The following DPF1 variants were observed in gnomAD, a reference collection of about 807,000 sequenced individuals.
DPF1 encodes zinc finger protein neuro-d4.
A neutral mutation model predicts 58.7 loss-of-function variants in DPF1; 14 were observed. That is an observed-to-expected ratio of 0.24 (90% CI 0.16 to 0.37). The LOEUF is 0.37. Ranked by LOEUF, DPF1 falls within the 10% of genes least tolerant of loss-of-function variation. DPF1 has a pLI of 1.00. For synonymous variants in DPF1, 216 were observed against 216.0 expected (o/e 1.00, Z 0.00); for missense variants, 345 against 529.9 (o/e 0.65, Z 3.43).
At position 38,219,026 on chromosome 19, in the gene DPF1, G is replaced by T. The variant is rs1487355727; in HGVS notation, c.331C>A (p.Leu111Ile). 1 of 1,614,036 alleles carries T rather than the reference G, an allele frequency of 6.2e-7. No homozygotes were observed. The highest frequency in any genetic ancestry group is 8.5e-7 in the Non-Finnish European group (1 of 1,180,036). ...GCCTCGAGGACCGGCCCTTCCGGGA[G>T]GCCACCCTCCTTCTTCAGGGGTGCT... The part of the protein sequence containing the change: ...CEAPLKKEGG[L>I]PEGPVLEALL... The change falls in exon 4 of 12, where the codon CTC becomes ATC. Residue 111 changes from leucine to isoleucine, a missense_variant. Leu to Ile is a conservative substitution (Grantham distance 5, BLOSUM62 2). Coordinates refer to ENST00000355526, the MANE Select transcript of DPF1 (RefSeq NM_001135155.3).
In DPF1 at chr19:38,218,818, A is replaced by C. The variant is rs1967229248; in HGVS notation, c.426+113T>G. On this transcript the variant is annotated intron_variant, in intron 4 of 11. Coordinates refer to ENST00000355526, the MANE Select transcript of DPF1 (RefSeq NM_001135155.3). ...TGGGAGGATGGTGACTGGGATGCCC[A>C]ACAGCCAGAAGAAACCGGGGGGGTT... 3.2e-6 allele frequency: 5 copies of C among 1,564,922 alleles called. No homozygotes were observed. In the South Asian group the frequency reaches 5.9e-5, roughly 19 times the overall value.
In DPF1 at chr19:38,222,763, C is replaced by G; in HGVS notation, c.30-55G>C. The G allele has an allele frequency of 1.4e-6, 2 of 1,476,464 alleles. No homozygotes were observed. Among genetic ancestry groups the G allele is most frequent in the Non-Finnish European group, 1.8e-6 (2 of 1,112,662 alleles). The allele number at this position is 1,476,464 out of a possible 1,614,324, so 91.5% of individuals were successfully genotyped here. On this transcript the variant is annotated intron_variant, in intron 1 of 11. Coordinates refer to ENST00000355526, the MANE Select transcript of DPF1 (RefSeq NM_001135155.3). The surrounding 1 kb of genome is among the most constrained non-coding windows in gnomAD (Gnocchi z 4.9). ...GTCAGCAAGGGCAGGCGCACAGGGT[C>G]GCCCAGCACCCCTTCCCCGGCTGCC...
At chr19:38,218,703 C>T in intron 4 of DPF1, 41 bp from the exon 5 acceptor site, 1 of 1,606,402 alleles carries the variant, frequency 6.2e-7, no homozygotes, top group Non-Finnish European at 8.5e-7. Context: ...AAAGTGGGGG[C>T]CACTGACCTG....
upstream of DPF1, chr19:38,224,358 G>A (rs1967723283): frequency 8.6e-7 from 1 of 1,164,214 alleles, no homozygotes; most frequent in Non-Finnish European, 1.1e-6. This position sits in a 1 kb window ranked among gnomAD's most constrained non-coding sequence, Gnocchi z 4.5. Context: ...GGGACGGCGC[G>A]GAGGAGGGGC....
In DPF1 at chr19:38,213,733, T is replaced by C; in HGVS notation, c.922A>G (p.Thr308Ala). ...RSGHPSCLQF[T>A]VNMTAAVRTY... ...CGCACGGCTGCCGTCATGTTCACCG[T>C]GAATTGTAAACACGAGGGGTGTCCT... The change falls in exon 10 of 12, where the codon ACG (threonine) becomes GCG (alanine). Residue 308 changes from threonine (T) to alanine (A), a missense_variant. Physicochemically the swap from Thr to Ala is moderately conservative, Grantham distance 58. Transcript: ENST00000355526. 6.2e-7 allele frequency: 1 copy of C among 1,613,550 alleles called. No homozygotes were observed. The highest frequency in any genetic ancestry group is 8.5e-7 in the Non-Finnish European group (1 of 1,179,758).
chr19:38,222,803 C>G lies in DPF1; in HGVS notation c.30-95G>C, dbSNP rs893816897. ...CCCCGGCTGCCGGGCCGCCCAGGCT[C>G]GGGAGGGGTGGGCCGACCCCTCCAG... On this transcript the variant is annotated intron_variant, in intron 1 of 11. Transcript: ENST00000355526. The surrounding 1 kb of genome is among the most constrained non-coding windows in gnomAD (Gnocchi z 4.9). 2 of 1,411,866 alleles carry G rather than the reference C, an allele frequency of 1.4e-6. No homozygotes were observed. The highest frequency in any genetic ancestry group is 1.8e-6 in the Non-Finnish European group (2 of 1,082,682). 87.5% of individuals were successfully genotyped at this position (1,411,866 alleles called of 1,614,324 possible).
In DPF1 at chr19:38,217,517, C is replaced by T. The variant is rs780913902; in HGVS notation, c.670G>A (p.Gly224Arg). Reference protein sequence around the residue: ...YTHTHLAEEEGEENAERHALP... With the variant: ...YTHTHLAEEEREENAERHALP... ...GCGTGGCGTTCGGCGTTCTCCTCCCCCTCCTCCTCGGCCAGGTGGGTGTGG... is the reference window on the plus strand; with the variant it reads ...GCGTGGCGTTCGGCGTTCTCCTCCCTCTCCTCCTCGGCCAGGTGGGTGTGG... Residue 224 changes from glycine (G) to arginine (R), a missense_variant, in exon 7 of 12, where the codon GGG (glycine) becomes AGG (arginine). By Grantham distance (125) the Gly-to-Arg change is moderately radical (BLOSUM62 -2). Coordinates refer to ENST00000355526, the MANE Select transcript of DPF1 (RefSeq NM_001135155.3). The T allele has an allele frequency of 1.3e-6, 2 of 1,551,584 alleles. No homozygotes were observed. The highest frequency in any genetic ancestry group is 8.7e-7 in the Non-Finnish European group (1 of 1,146,970).
Position 38,217,513 on chromosome 19 carries a change from T to A in DPF1, c.674A>T (p.Glu225Val), listed in dbSNP as rs1008890988. The A allele has an allele frequency of 6.4e-7, 1 of 1,550,688 alleles. No individual in the cohort carries two copies. The highest frequency in any genetic ancestry group is 8.7e-7 in the Non-Finnish European group (1 of 1,146,642). Residue 225 changes from glutamate (E) to valine (V), a missense_variant, in exon 7 of 12, where the codon GAG becomes GTG. By Grantham distance (121) the Glu-to-Val change is moderately radical. Transcript: ENST00000355526. ...CAGGGCGTGGCGTTCGGCGTTCTCC[T>A]CCCCCTCCTCCTCGGCCAGGTGGGT... Reference protein sequence around the residue: ...THTHLAEEEGEENAERHALPF... With the variant: ...THTHLAEEEGVENAERHALPF...
Position 38,224,064 on chromosome 19 carries a change from C to T in DPF1, c.29+50G>A, listed in dbSNP as rs1437801277. On this transcript the variant is annotated intron_variant, in intron 1 of 11. Transcript: ENST00000355526. The surrounding 1 kb of genome is among the most constrained non-coding windows in gnomAD (Gnocchi z 4.5). ...CCCGGTCGCCACACACACACAGGCC[C>T]GCGTAGACCCGCCCGCGCTTCCTCT... 8.1e-6 allele frequency: 12 copies of T among 1,488,388 alleles called. No homozygotes were observed. Among genetic ancestry groups the T allele is most frequent in the Non-Finnish European group, 9.7e-6 (11 of 1,132,842 alleles). 92.2% of individuals were successfully genotyped at this position (1,488,388 alleles called of 1,614,324 possible).
intron 7 of DPF1, among the ~76,000 whole-genome samples, chr19:38,216,726 C>T (rs1449988191): frequency 6.6e-6 from 1 of 152,176 alleles, no homozygotes; most frequent in African/African-American, 2.4e-5. Flanking sequence ...GCCACTGCAC[C>T]CAGCCAGGAT....
At chr19:38,227,482 C>T (rs900337173), upstream of DPF1, among the ~76,000 whole-genome samples, 2 of 152,102 alleles carry the variant, frequency 1.3e-5, no homozygotes, top group Non-Finnish European at 2.9e-5. Flanking sequence ...CACATACTCT[C>T]CTACACACTT....
chr19:38,211,929 G>A lies in DPF1; in HGVS notation c.*134C>T, dbSNP rs905123281. ...GACATTCCACTTGCACAGAGGGGAG[G>A]GGGTGGCCCAGCCCCCTCTCGGCTT... is the stretch of plus-strand genomic sequence containing the variant. On this transcript the variant is annotated 3_prime_UTR_variant, in exon 12 of 12. Transcript: ENST00000355526. This position sits in a 1 kb window ranked among gnomAD's most constrained non-coding sequence, Gnocchi z 4.0. 1 of 944,830 alleles carries A rather than the reference G, an allele frequency of 1.1e-6. No individual in the cohort carries two copies. Among genetic ancestry groups the A allele is most frequent in the Non-Finnish European group, 1.6e-6 (1 of 625,552 alleles). The allele number at this position is 944,830 out of a possible 1,614,324, so 58.5% of individuals were successfully genotyped here. A position where few individuals can be genotyped will look rare whatever the true frequency, so the allele number is the denominator to read the frequency against.
intron 1 of DPF1, among the ~76,000 whole-genome samples, chr19:38,223,458 G>A (rs1249519345): frequency 1.3e-5 from 2 of 151,800 alleles, no homozygotes; most frequent in African/African-American, 4.8e-5. Flanking sequence ...TGCACGATGC[G>A]CAACCAGTAT....
chr19:38,214,620 C>A (rs946394989), intron 9 of DPF1, among the ~76,000 whole-genome samples: 1 of 152,126 alleles, frequency 6.6e-6, no homozygotes, highest in African/African-American at 2.4e-5. Flanking sequence ...CACCACACAG[C>A]CCACTACCTG....
At position 38,224,131 on chromosome 19, in the gene DPF1, G is replaced by A; in HGVS notation, c.12C>T (p.Val4=). The A allele has an allele frequency of 6.7e-7, 1 of 1,485,960 alleles. No homozygotes were observed. The highest frequency in any genetic ancestry group is 8.9e-7 in the Non-Finnish European group (1 of 1,128,162). 92.0% of individuals were successfully genotyped at this position (1,485,960 alleles called of 1,614,324 possible). The change falls in exon 1 of 12, where the codon GTC becomes GTT. Residue 4 remains valine, a synonymous_variant. Transcript: ENST00000355526. This position sits in a 1 kb window ranked among gnomAD's most constrained non-coding sequence, Gnocchi z 4.5. The part of the protein sequence containing the change: MAT[V]IPGPLSLGED... ...CGCACCACCTCAGGGGGCCAGGGAT[G>A]ACAGTGGCCATCTTGCTCCCCGGGT...
intron 3 of DPF1, among the ~76,000 whole-genome samples, chr19:38,220,863 A>C (rs1225818139): frequency 6.6e-6 from 1 of 152,162 alleles, no homozygotes; most frequent in Non-Finnish European, 1.5e-5. Flanking sequence ...CCTCGGACTC[A>C]GGAAGAGAAA....
At chr19:38,212,970 A>G (rs1327885126) in intron 10 of DPF1, among the ~76,000 whole-genome samples, 2 of 148,344 alleles carry the variant, frequency 1.3e-5, no homozygotes, top group Non-Finnish European at 3.0e-5. Context: ...AGAAACGGTC[A>G]TGGCTTTTGT....
chr19:38,211,595 CG>C lies in DPF1; in HGVS notation c.*467del, dbSNP rs1449975688. 2.0e-5 allele frequency: 3 copies of C among 152,710 alleles called. No homozygotes were observed. Among genetic ancestry groups the C allele is most frequent in the African/African-American group, 4.8e-5 (2 of 41,374 alleles). 9.5% of individuals were successfully genotyped at this position (152,710 alleles called of 1,614,324 possible). On this transcript the variant is annotated 3_prime_UTR_variant, in exon 12 of 12. Coordinates refer to ENST00000355526, the MANE Select transcript of DPF1 (RefSeq NM_001135155.3). This position sits in a 1 kb window ranked among gnomAD's most constrained non-coding sequence, Gnocchi z 4.0. The stretch of plus-strand genomic sequence containing the variant: ...CAGAAATTGGGGTTGGGGCGCCCGG[CG>C]GGGGGCCGGCAGAGGCGGGTGCCCG...
At chr19:38,227,787 G>A (rs1967890748), upstream of DPF1, among the ~76,000 whole-genome samples, 1 of 152,160 alleles carries the variant, frequency 6.6e-6, no homozygotes, top group African/African-American at 2.4e-5. Context: ...TGGAACTCAG[G>A]CAGTCGGAAC....
Sources: allele counts gnomAD v4.1 joint callset (sites outside exome capture counted in the v4.1 genomes callset), GRCh38; gene constraint gnomAD v4.1.1; non-coding constraint Gnocchi (gnomAD v3.1); transcripts MANE v1.5; gene names NCBI Gene and HGNC (gene_info 2026-07-23, HGNC 2026-07-21).